Variants in ADAM10 observed in about 807,000 individuals in gnomAD.
ADAM10 encodes disintegrin and metalloproteinase domain-containing protein 10.
ADAM10 carries 17 observed loss-of-function variants against 90.1 expected under a neutral mutation model. The observed-to-expected ratio is 0.19, with a 90% confidence interval of 0.13 to 0.28. The LOEUF is 0.28. Ranked by LOEUF, ADAM10 falls within the 10% of genes least tolerant of loss-of-function variation. The pLI is 1.00. For missense variants in ADAM10, 610 were observed against 914.3 expected (o/e 0.67, Z 4.29); for synonymous variants, 310 against 298.6 (o/e 1.04, Z -0.40).
chr15:58,674,191 A>C (rs1235338383), intron 4 of ADAM10, among the ~76,000 whole-genome samples: 2 of 152,306 alleles, frequency 1.3e-5, no homozygotes, highest in Non-Finnish European at 2.9e-5. Context: ...TATACTTCCC[A>C]AGAGATTAAC....
intron 2 of ADAM10, among the ~76,000 whole-genome samples, chr15:58,685,363 A>G (rs1259592794): frequency 6.6e-6 from 1 of 151,156 alleles, no homozygotes; most frequent in Non-Finnish European, 1.5e-5. Context: ...TGGGAGGCTA[A>G]GGCAGGAGAA....
intron 1 of ADAM10, among the ~76,000 whole-genome samples, chr15:58,730,982 A>G (rs1410651220): frequency 6.6e-6 from 1 of 152,226 alleles, no homozygotes; most frequent in Admixed American, 6.5e-5. Context: ...TAGGGTCTCC[A>G]GCTTGCAGAC....
At chr15:58,707,843 G>C (rs537188541) in intron 2 of ADAM10, among the ~76,000 whole-genome samples, 1 of 152,158 alleles carries the variant, frequency 6.6e-6, no homozygotes, top group African/African-American at 2.4e-5. Flanking sequence ...TTGGGAGCCC[G>C]AGGCAGGTGG....
intron 1 of ADAM10, among the ~76,000 whole-genome samples, chr15:58,724,067 C>T (rs1262371077): frequency 2.0e-5 from 3 of 151,848 alleles, no homozygotes; most frequent in Admixed American, 6.6e-5. Flanking sequence ...CCTGTCTCCA[C>T]TCGGGAGGCT....
intron 1 of ADAM10, among the ~76,000 whole-genome samples, chr15:58,727,804 T>G (rs1340207532): frequency 6.6e-6 from 1 of 151,320 alleles, no homozygotes; most frequent in African/African-American, 2.4e-5. Flanking sequence ...ACAAAAAAAA[T>G]TATGAGGGAT....
chr15:58,602,389 G>A (rs190210711), intron 14 of ADAM10, among the ~76,000 whole-genome samples: 10 of 151,998 alleles, frequency 6.6e-5, no homozygotes, highest in African/African-American at 2.4e-4. Context: ...CCTCCACAGG[G>A]GTGCAATTCT....
intron 1 of ADAM10, among the ~76,000 whole-genome samples, chr15:58,727,968 A>G (rs1177637162): frequency 6.6e-6 from 1 of 152,218 alleles, no homozygotes; most frequent in African/African-American, 2.4e-5. Context: ...CTCCTTTCTG[A>G]ACAAGCAGAC....
intron 4 of ADAM10, among the ~76,000 whole-genome samples, chr15:58,674,982 G>A (rs1305337776): frequency 6.6e-6 from 1 of 152,222 alleles, no homozygotes; most frequent in African/African-American, 2.4e-5. Context: ...GAGGTCAAGA[G>A]ATCAAGAGAT....
intron 2 of ADAM10, chr15:58,692,992 T>G (rs750116950): frequency 2.6e-5 from 20 of 779,336 alleles, no homozygotes; most frequent in Non-Finnish European, 3.7e-5. Flanking sequence ...TTTCAGTTCT[T>G]TACCACCGTC....
At chr15:58,610,639 T>G in intron 13 of ADAM10, 122 bp from the exon 14 acceptor site, 1 of 931,730 alleles carries the variant, frequency 1.1e-6, no homozygotes, top group African/African-American at 1.6e-5. Context: ...TAACATGTTA[T>G]ACAGACCTTC....
In ADAM10 at chr15:58,749,693, T is replaced by A. The variant is rs201548660; in HGVS notation, c.-159A>T. The stretch of plus-strand genomic sequence containing the variant: ...CGAAGCACCTCCCTCTCGCTCCACT[T>A]CAGGGGCCGGCAACGCTCCTAGCTC... On this transcript the variant is annotated 5_prime_UTR_variant, in exon 1 of 16. Transcript: ENST00000260408. 3.5e-6 allele frequency: 5 copies of A among 1,432,834 alleles called. No homozygotes were observed. Among genetic ancestry groups the A allele is most frequent in the Admixed American group, 2.5e-5 (1 of 40,470 alleles). 88.8% of individuals were successfully genotyped at this position (1,432,834 alleles called of 1,614,324 possible).
intron 4 of ADAM10, among the ~76,000 whole-genome samples, chr15:58,678,332 A>G (rs1897341711): frequency 6.6e-6 from 1 of 152,178 alleles, no homozygotes; most frequent in Non-Finnish European, 1.5e-5. Context: ...GGGTAAGAAT[A>G]AAATCATTGA....
intron 3 of ADAM10, among the ~76,000 whole-genome samples, chr15:58,680,434 T>G: frequency 6.6e-6 from 1 of 152,214 alleles, no homozygotes; most frequent in Non-Finnish European, 1.5e-5. Context: ...ATAAACACAT[T>G]TTTAAATAGA....
At chr15:58,606,451 TA>T (rs1443724014) in intron 14 of ADAM10, among the ~76,000 whole-genome samples, 2 of 152,252 alleles carry the variant, frequency 1.3e-5, no homozygotes, top group African/African-American at 4.8e-5. Flanking sequence ...CTCTTTTCCA[TA>T]TAAATTATTA....
intron 5 of ADAM10, among the ~76,000 whole-genome samples, chr15:58,655,731 A>ATAG (rs1555414945): frequency 1.0e-5 from 1 of 95,864 alleles, no homozygotes; most frequent in Non-Finnish European, 2.1e-5. Flanking sequence ...ATATATATAT[A>ATAG]TATATATATT....
chr15:58,676,205 C>T (rs1346313592), intron 4 of ADAM10: 1 of 433,576 alleles, frequency 2.3e-6, no homozygotes, highest in Non-Finnish European at 4.6e-6. Context: ...AGCTTTCTTC[C>T]ATGAGTGAAG....
At chr15:58,724,606 G>A (rs775095033) in intron 1 of ADAM10, among the ~76,000 whole-genome samples, 1 of 152,192 alleles carries the variant, frequency 6.6e-6, no homozygotes, top group Non-Finnish European at 1.5e-5. Context: ...CAGGTATTTA[G>A]AATCTATGTG....
intron 2 of ADAM10, among the ~76,000 whole-genome samples, chr15:58,704,373 T>TGAC (rs1401252283): frequency 3.3e-5 from 5 of 152,130 alleles, no homozygotes; most frequent in African/African-American, 9.7e-5. Flanking sequence ...ATGGATATGG[T>TGAC]GACGGTTGCA....
rs111673109 is a variant in ADAM10 at position 58,677,718 on chromosome 15, G to T, written c.484+1406C>A. 3.5e-3 allele frequency among the ~76,000 whole-genome samples: 533 copies of T among 152,240 alleles called. 5 individuals are homozygous for T. Among genetic ancestry groups the T allele is most frequent in the African/African-American group, 0.012 (512 of 41,560 alleles). Reference sequence around the variant, plus strand: ...AGGAAAAAATAATCTGGCAGATTACGCTTTTCCTCTCCTTCATTCCTCAAA... The same window carrying T: ...AGGAAAAAATAATCTGGCAGATTACTCTTTTCCTCTCCTTCATTCCTCAAA... On this transcript the variant is annotated intron_variant, in intron 4 of 15. Transcript: ENST00000260408.
Sources: gnomAD v4.1 joint callset for allele counts (sites outside exome capture counted in the v4.1 genomes callset) on GRCh38, gnomAD v4.1.1 for gene constraint, MANE v1.5 for transcripts, NCBI Gene and HGNC (gene_info 2026-07-23, HGNC 2026-07-21) for gene names.